The following EPHB1 variants were observed in gnomAD, a reference collection of about 807,000 sequenced individuals.
EPHB1 encodes EPH receptor B1.
Under a neutral mutation model 94.4 loss-of-function variants are expected in EPHB1, and 30 were observed. The ratio of observed to expected loss-of-function variants is 0.32; its 90% CI spans 0.24 to 0.43. The LOEUF is 0.43. Among genes scored for constraint, EPHB1 ranks in the 20% least tolerant of loss-of-function variants. The pLI, the probability that EPHB1 is intolerant of heterozygous loss-of-function variation, is 1.00. For synonymous variants in EPHB1, 522 were observed against 489.1 expected (o/e 1.07, Z -0.89); for missense variants, 1,055 against 1,308.3 (o/e 0.81, Z 2.99).
At chr3:134,982,013 T>C (rs1424230237) in intron 3 of EPHB1, among the ~76,000 whole-genome samples, 1 of 152,234 alleles carries the variant, frequency 6.6e-6, no homozygotes, top group South Asian at 2.1e-4. Context: ...TATTATGCCA[T>C]TTACAAATGA....
intron 12 of EPHB1, among the ~76,000 whole-genome samples, chr3:135,237,881 C>G (rs2107726811): frequency 6.6e-6 from 1 of 152,316 alleles, no homozygotes; most frequent in African/African-American, 2.4e-5. Context: ...CTGGTCCAAG[C>G]TCCTCATGCA....
intron 3 of EPHB1, among the ~76,000 whole-genome samples, chr3:135,045,926 A>G (rs1471766230): frequency 6.6e-6 from 1 of 152,202 alleles, no homozygotes; most frequent in Non-Finnish European, 1.5e-5. Context: ...AATATTCCCA[A>G]TTATCTGAAA....
At chr3:135,184,756 T>C (rs905049) in intron 10 of EPHB1, among the ~76,000 whole-genome samples, 151,025 of 152,360 alleles carry the variant, frequency 0.99, 74,868 homozygotes, top group East Asian at 1. Flanking sequence ...CTTCTCACTG[T>C]AGATAATGAG....
intron 3 of EPHB1, among the ~76,000 whole-genome samples, chr3:135,034,455 G>A (rs1282438822): frequency 6.6e-6 from 1 of 152,242 alleles, no homozygotes; most frequent in Non-Finnish European, 1.5e-5. Flanking sequence ...GGAATCACGT[G>A]TGAGGGCTGC....
intron 3 of EPHB1, among the ~76,000 whole-genome samples, chr3:134,959,363 G>T (rs1933412363): frequency 6.6e-6 from 1 of 152,158 alleles, no homozygotes; most frequent in Admixed American, 6.5e-5. Context: ...TGTTAGCACT[G>T]GGATTAGAAC....
chr3:134,944,357 G>A (rs1420447852), intron 2 of EPHB1, among the ~76,000 whole-genome samples: 2 of 152,080 alleles, frequency 1.3e-5, no homozygotes, highest in Non-Finnish European at 2.9e-5. Flanking sequence ...TTTTGTTTAT[G>A]CACTCACCAC....
intron 1 of EPHB1, among the ~76,000 whole-genome samples, chr3:134,924,392 A>T (rs2038748459): frequency 6.6e-6 from 1 of 152,234 alleles, no homozygotes; most frequent in Non-Finnish European, 1.5e-5. Flanking sequence ...TCTCAAACTC[A>T]ATAATAAGAA....
At chr3:134,966,548 A>G (rs1933755133) in intron 3 of EPHB1, among the ~76,000 whole-genome samples, 1 of 152,202 alleles carries the variant, frequency 6.6e-6, no homozygotes, top group Non-Finnish European at 1.5e-5. Flanking sequence ...ATTTAAGTGT[A>G]TCCTTTTATT....
chr3:134,916,468 C>T (rs1365518897), intron 1 of EPHB1, among the ~76,000 whole-genome samples: 1 of 152,224 alleles, frequency 6.6e-6, no homozygotes, highest in African/African-American at 2.4e-5. Flanking sequence ...GGTGGGGAGG[C>T]TTAGGCATGG....
intron 4 of EPHB1, among the ~76,000 whole-genome samples, chr3:135,121,869 G>T (rs1191904897): frequency 6.6e-6 from 1 of 151,864 alleles, no homozygotes; most frequent in African/African-American, 2.4e-5. Context: ...AAAGTGAATA[G>T]ATGGAAAGGG....
intron 12 of EPHB1, among the ~76,000 whole-genome samples, chr3:135,206,841 C>A (rs1056962570): frequency 1.3e-5 from 2 of 151,854 alleles, no homozygotes; most frequent in Non-Finnish European, 2.9e-5. Context: ...AAGAGGGGAG[C>A]CCCATCTCAA....
chr3:135,062,209 T>C (rs1394468941), intron 3 of EPHB1, among the ~76,000 whole-genome samples: 3 of 152,202 alleles, frequency 2.0e-5, no homozygotes, highest in African/African-American at 7.2e-5. Flanking sequence ...AGATATCCAG[T>C]AGTGGGATTG....
At chr3:134,958,000 C>T (rs1933347353) in intron 3 of EPHB1, among the ~76,000 whole-genome samples, 1 of 152,116 alleles carries the variant, frequency 6.6e-6, no homozygotes, top group Non-Finnish European at 1.5e-5. Flanking sequence ...GCTGGTGATC[C>T]CACCAGCACT....
intron 3 of EPHB1, among the ~76,000 whole-genome samples, chr3:135,020,274 C>A (rs2107753915): frequency 6.6e-6 from 1 of 152,314 alleles, no homozygotes; most frequent in Non-Finnish European, 1.5e-5. Flanking sequence ...ATATAATTCA[C>A]ATACCATACA....
At chr3:135,186,414 A>T (rs943743476) in intron 10 of EPHB1, among the ~76,000 whole-genome samples, 1 of 152,210 alleles carries the variant, frequency 6.6e-6, no homozygotes, top group Non-Finnish European at 1.5e-5. Context: ...GTTTAGCCGT[A>T]ACTCATTTAT....
At chr3:134,919,841 GGTGTGT>G (rs10663205) in intron 1 of EPHB1, among the ~76,000 whole-genome samples, 2 of 149,664 alleles carry the variant, frequency 1.3e-5, no homozygotes, top group Non-Finnish European at 1.5e-5. Context: ...TTAGGGCAGG[GGTGTGT>G]GTGTGTGTGT....
At chr3:135,124,699 G>A (rs1940126473) in intron 4 of EPHB1, among the ~76,000 whole-genome samples, 1 of 151,734 alleles carries the variant, frequency 6.6e-6, no homozygotes, top group South Asian at 2.1e-4. Context: ...CCCATCCTTA[G>A]TAATTTGCTA....
rs557928972 is a variant in EPHB1, at chr3:135,009,904, A to AT, written c.805+57853dup. ...GTAGACGCTATTATTTGCTTTTTAA[A>AT]TCAAGTAATGTACAAAAGTACAAAT... On this transcript the variant is annotated intron_variant, in intron 3 of 15. Coordinates refer to ENST00000398015, the MANE Select transcript of EPHB1 (RefSeq NM_004441.5). 5.8e-3 allele frequency among the ~76,000 whole-genome samples: 879 copies of AT among 152,354 alleles called. 7 individuals are homozygous for AT. Among genetic ancestry groups the AT allele is most frequent in the Non-Finnish European group, 8.9e-3 (608 of 68,032 alleles).
intron 3 of EPHB1, among the ~76,000 whole-genome samples, chr3:135,068,608 A>G (rs1216798482): frequency 6.7e-6 from 1 of 148,700 alleles, no homozygotes; most frequent in African/African-American, 2.5e-5. Context: ...TTGTATTTTC[A>G]CGTTATTGAT....
Sources: allele counts gnomAD v4.1 joint callset (sites outside exome capture counted in the v4.1 genomes callset), GRCh38; gene constraint gnomAD v4.1.1; transcripts MANE v1.5; gene names NCBI Gene and HGNC (gene_info 2026-07-23, HGNC 2026-07-21).